Variants in CNTNAP2 observed in about 807,000 individuals in gnomAD.
CNTNAP2 encodes contactin-associated protein-like 2.
In CNTNAP2, 98 loss-of-function variants were observed where a neutral mutation model predicts 155.2. The ratio of observed to expected loss-of-function variants is 0.63; its 90% confidence interval spans 0.54 to 0.75. The LOEUF (loss-of-function observed/expected upper bound fraction) is 0.75. Ranked by LOEUF, CNTNAP2 falls within the 30% of genes least tolerant of loss-of-function variation. CNTNAP2 has a pLI of 0.00. For missense variants in CNTNAP2, 1,727 were observed against 1,688.1 expected, an observed-to-expected ratio of 1.02 and a Z score of -0.40; for synonymous variants, 651 against 631.2, an observed-to-expected ratio of 1.03 and a Z score of -0.47.
intron 22 of CNTNAP2, among the ~76,000 whole-genome samples, chr7:148,406,734 G>A (rs1374065861): frequency 1.3e-5 from 2 of 152,222 alleles, no homozygotes; most frequent in African/African-American, 4.8e-5. Context: ...TTTCATTCCT[G>A]AAAAATAGCT....
At chr7:146,963,584 A>C (rs1289432564) in intron 3 of CNTNAP2, among the ~76,000 whole-genome samples, 3 of 152,172 alleles carry the variant, frequency 2.0e-5, no homozygotes, top group African/African-American at 7.2e-5. Context: ...CAATGTCTTA[A>C]ATAGTAACAC....
intron 14 of CNTNAP2, among the ~76,000 whole-genome samples, chr7:147,910,991 T>A (rs1018674866): frequency 2.6e-5 from 4 of 152,212 alleles, no homozygotes; most frequent in Non-Finnish European, 5.9e-5. Flanking sequence ...TAACCATTTT[T>A]ACTTTTACAA....
chr7:147,518,120 G>A (rs942515042), intron 11 of CNTNAP2, among the ~76,000 whole-genome samples: 1 of 152,058 alleles, frequency 6.6e-6, no homozygotes, highest in African/African-American at 2.4e-5. Flanking sequence ...GGTAGTTACT[G>A]TTAAAATTAA....
At chr7:146,461,840 A>C (rs1201455794) in intron 1 of CNTNAP2, among the ~76,000 whole-genome samples, 1 of 152,216 alleles carries the variant, frequency 6.6e-6, no homozygotes. Flanking sequence ...AGTGTTCTGG[A>C]AAAAAGGAAA....
intron 21 of CNTNAP2, among the ~76,000 whole-genome samples, chr7:148,320,376 C>CTTTTTTTTTTTTTTTTT (rs67424217): frequency 6.3e-5 from 4 of 63,386 alleles, no homozygotes; most frequent in Non-Finnish European, 1.2e-4. Flanking sequence ...ATTTTTTTTT[C>CTTTTTTTTTTTTTTTTT]TTTTTTTTTT....
chr7:148,015,798 A>G (rs565651103), intron 15 of CNTNAP2, among the ~76,000 whole-genome samples: 1 of 152,224 alleles, frequency 6.6e-6, no homozygotes, highest in South Asian at 2.1e-4. Context: ...TCCAGAAGAC[A>G]AAGAGATTAG....
chr7:147,416,994 C>T (rs1046104462), intron 10 of CNTNAP2, among the ~76,000 whole-genome samples: 13 of 151,014 alleles, frequency 8.6e-5, no homozygotes, highest in African/African-American at 3.2e-4. Context: ...GAGGCTGAGG[C>T]AGCAGAATTG....
chr7:147,926,150 G>A (rs1800394410), intron 14 of CNTNAP2, among the ~76,000 whole-genome samples: 1 of 152,144 alleles, frequency 6.6e-6, no homozygotes, highest in South Asian at 2.1e-4. Context: ...AGTCTTATTT[G>A]AAAGTCTAGT....
At chr7:146,955,075 T>G (rs1797404991) in intron 3 of CNTNAP2, among the ~76,000 whole-genome samples, 1 of 151,992 alleles carries the variant, frequency 6.6e-6, no homozygotes, top group Non-Finnish European at 1.5e-5. Flanking sequence ...TGGCATTGGA[T>G]AGTGTAAGTA....
In CNTNAP2 at chr7:147,967,629, A is replaced by C. The variant is rs367893165; in HGVS notation, c.2256-10233A>C. Among the ~76,000 whole-genome samples, 9 of 152,350 alleles carry C rather than the reference A, an allele frequency of 5.9e-5. No individual in the cohort carries two copies. The South Asian group carries it at 1.9e-3, about 32-fold the overall frequency. On this transcript the variant is annotated intron_variant, in intron 14 of 23. Transcript: ENST00000361727. ...TTACCTCTGAAAAATGAGGGTAATA[A>C]TTAGATTATCTCCCAGAAATTTACT... is the stretch of plus-strand genomic sequence containing the variant.
chr7:146,390,137 C>T (rs1481664230), intron 1 of CNTNAP2, among the ~76,000 whole-genome samples: 1 of 151,852 alleles, frequency 6.6e-6, no homozygotes, highest in African/African-American at 2.4e-5. Context: ...TGCAATATTA[C>T]TTTGTTAATA....
intron 10 of CNTNAP2, among the ~76,000 whole-genome samples, chr7:147,434,938 G>A (rs140465208): frequency 1.3e-5 from 2 of 152,120 alleles, no homozygotes; most frequent in African/African-American, 4.8e-5. Context: ...TCTTTCCTGT[G>A]GTTCAGGTAT....
At chr7:148,041,383 G>T (rs1563177923) in intron 15 of CNTNAP2, among the ~76,000 whole-genome samples, 1 of 152,170 alleles carries the variant, frequency 6.6e-6, no homozygotes, top group African/African-American at 2.4e-5. Flanking sequence ...TAAGTTACTG[G>T]GTTTTGTAAG....
At chr7:146,897,090 G>C (rs1169041775) in intron 3 of CNTNAP2, among the ~76,000 whole-genome samples, 1 of 152,080 alleles carries the variant, frequency 6.6e-6, no homozygotes, top group Non-Finnish European at 1.5e-5. Context: ...CTCATTTTAT[G>C]AGGGCATCTC....
At chr7:146,873,869 ATCT>A (rs1453794484) in intron 3 of CNTNAP2, among the ~76,000 whole-genome samples, 1 of 152,074 alleles carries the variant, frequency 6.6e-6, no homozygotes, top group Non-Finnish European at 1.5e-5. Context: ...GAGGTGGAGG[ATCT>A]TCTTTTGATA....
intron 1 of CNTNAP2, among the ~76,000 whole-genome samples, chr7:146,604,835 A>C (rs1271637765): frequency 6.9e-6 from 1 of 145,490 alleles, no homozygotes; most frequent in Non-Finnish European, 1.5e-5. Flanking sequence ...CAAAAAACCA[A>C]ACACCTCATA....
chr7:146,921,589 A>G (rs1345596243), intron 3 of CNTNAP2, among the ~76,000 whole-genome samples: 2 of 152,138 alleles, frequency 1.3e-5, no homozygotes, highest in African/African-American at 4.8e-5. Context: ...GTTTTACATG[A>G]CATGAGAGCT....
At chr7:146,531,177 T>A (rs1291156173) in intron 1 of CNTNAP2, among the ~76,000 whole-genome samples, 3 of 151,966 alleles carry the variant, frequency 2.0e-5, no homozygotes, top group African/African-American at 7.2e-5. Flanking sequence ...ATTGAGTACA[T>A]ATGAGCACAA....
At chr7:147,440,709 G>A (rs1584949543) in intron 10 of CNTNAP2, among the ~76,000 whole-genome samples, 1 of 152,126 alleles carries the variant, frequency 6.6e-6, no homozygotes, top group African/African-American at 2.4e-5. Flanking sequence ...TCTTCTTCAC[G>A]TTCGAAGGAT....
Sources: gnomAD v4.1 joint callset for allele counts (sites outside exome capture counted in the v4.1 genomes callset) on GRCh38, gnomAD v4.1.1 for gene constraint, MANE v1.5 for transcripts, NCBI Gene and HGNC (gene_info 2026-07-23, HGNC 2026-07-21) for gene names.